GPC6: variants seen among roughly 807,000 people sequenced by gnomAD.
GPC6 encodes the protein glypican 6.
In GPC6, 14 loss-of-function variants were observed where a neutral mutation model predicts 55.2. That is an observed-to-expected ratio of 0.25 (90% CI 0.17 to 0.40). The LOEUF is 0.40. Among genes scored for constraint, GPC6 ranks in the 10% least tolerant of loss-of-function variants. The pLI, the probability that GPC6 is intolerant of heterozygous loss-of-function variation, is 1.00. For missense variants in GPC6, 641 were observed against 708.5 expected, an observed-to-expected ratio of 0.90 and a Z score of 1.08; for synonymous variants, 278 against 259.6, an observed-to-expected ratio of 1.07 and a Z score of -0.68.
intron 2 of GPC6, among the ~76,000 whole-genome samples, chr13:93,789,508 T>TCTCC (rs1323132377): frequency 3.2e-5 from 2 of 61,696 alleles, no homozygotes; most frequent in Non-Finnish European, 7.1e-5. Flanking sequence ...TCTCTCTCTC[T>TCTCC]CTATATATAT....
intron 1 of GPC6, among the ~76,000 whole-genome samples, chr13:93,507,016 C>T (rs1455519924): frequency 4.2e-5 from 5 of 119,870 alleles, no homozygotes; most frequent in African/African-American, 3.2e-5. Context: ...GAGCCGAGAT[C>T]GTGCCACTGC....
At chr13:93,506,614 G>C (rs1049258238) in intron 1 of GPC6, among the ~76,000 whole-genome samples, 1 of 152,034 alleles carries the variant, frequency 6.6e-6, no homozygotes, top group Non-Finnish European at 1.5e-5. Flanking sequence ...GTACCCTAGA[G>C]GTCTTATAAT....
chr13:94,253,303 G>C (rs1891413513), intron 4 of GPC6, among the ~76,000 whole-genome samples: 1 of 152,064 alleles, frequency 6.6e-6, no homozygotes, highest in Non-Finnish European at 1.5e-5. Flanking sequence ...ATGATTGTAA[G>C]TGACTATCTT....
intron 1 of GPC6, among the ~76,000 whole-genome samples, chr13:93,313,713 T>C (rs1182245614): frequency 6.6e-6 from 1 of 152,054 alleles, no homozygotes; most frequent in Non-Finnish European, 1.5e-5. Flanking sequence ...TGGAGTACAG[T>C]GGCTATTCAC....
At chr13:93,815,726 CA>C (rs1487076252) in intron 2 of GPC6, among the ~76,000 whole-genome samples, 2 of 152,140 alleles carry the variant, frequency 1.3e-5, no homozygotes, top group Non-Finnish European at 2.9e-5. Flanking sequence ...AGTTCTTACA[CA>C]ATAATACTTT....
chr13:93,231,394 T>C (rs1269288595), intron 1 of GPC6, among the ~76,000 whole-genome samples: 5 of 21,314 alleles, frequency 2.3e-4, no homozygotes, highest in East Asian at 1.4e-3. Flanking sequence ...TATATATATA[T>C]ATGTATATAT....
intron 1 of GPC6, among the ~76,000 whole-genome samples, chr13:93,379,108 A>C (rs1875048093): frequency 6.6e-6 from 1 of 152,140 alleles, no homozygotes; most frequent in Admixed American, 6.6e-5. Flanking sequence ...AGCCTCTACA[A>C]ATTTCCGTAA....
chr13:93,316,236 G>A (rs1477684814), intron 1 of GPC6, among the ~76,000 whole-genome samples: 1 of 151,916 alleles, frequency 6.6e-6, no homozygotes, highest in Non-Finnish European at 1.5e-5. Context: ...TTTTATTCAT[G>A]CCCTAGACTA....
intron 6 of GPC6, among the ~76,000 whole-genome samples, chr13:94,348,576 T>C (rs151025865): frequency 5.9e-5 from 9 of 152,184 alleles, no homozygotes; most frequent in African/African-American, 1.7e-4. Context: ...CAACCTGGAA[T>C]TTCTTCCCTT....
chr13:93,244,858 A>G (rs1876547257), intron 1 of GPC6, among the ~76,000 whole-genome samples: 1 of 152,124 alleles, frequency 6.6e-6, no homozygotes, highest in South Asian at 2.1e-4. Context: ...CACAGCGTGA[A>G]TCTCTACATA....
At chr13:93,614,703 T>C (rs1349826780) in intron 2 of GPC6, among the ~76,000 whole-genome samples, 3 of 152,190 alleles carry the variant, frequency 2.0e-5, no homozygotes, top group Admixed American at 6.5e-5. Context: ...TTATCTTTTA[T>C]TTATTTACCC....
intron 3 of GPC6, among the ~76,000 whole-genome samples, chr13:93,956,049 C>T (rs1038602118): frequency 6.6e-6 from 1 of 152,106 alleles, no homozygotes. Flanking sequence ...CTGTCTCATC[C>T]TGGATGGTTG....
chr13:94,362,587 T>G (rs1594206578), intron 6 of GPC6, among the ~76,000 whole-genome samples: 1 of 152,052 alleles, frequency 6.6e-6, no homozygotes, highest in East Asian at 1.9e-4. Flanking sequence ...TGCCATCTGG[T>G]GGTTATAATG....
chr13:93,764,000 T>G (rs151280710), intron 2 of GPC6, among the ~76,000 whole-genome samples: 1 of 152,144 alleles, frequency 6.6e-6, no homozygotes, highest in South Asian at 2.1e-4. Context: ...TTTGCACTTA[T>G]ATCACAGATC....
intron 4 of GPC6, among the ~76,000 whole-genome samples, chr13:94,258,274 G>A (rs990445919): frequency 6.6e-6 from 1 of 152,146 alleles, no homozygotes; most frequent in Non-Finnish European, 1.5e-5. Flanking sequence ...ACAACTCCCC[G>A]GGGCCGACAA....
chr13:94,251,080 G>T (rs541018539), intron 4 of GPC6, among the ~76,000 whole-genome samples: 32 of 152,132 alleles, frequency 2.1e-4, no homozygotes, highest in African/African-American at 7.0e-4. Flanking sequence ...ATGATACACT[G>T]GATAAAGAAA....
chr13:94,162,955 C>T (rs1888220389), intron 4 of GPC6, among the ~76,000 whole-genome samples: 1 of 152,058 alleles, frequency 6.6e-6, no homozygotes, highest in South Asian at 2.1e-4. Flanking sequence ...CAAGAAATAG[C>T]CTCTTTCACC....
intron 2 of GPC6, among the ~76,000 whole-genome samples, chr13:93,818,220 T>C (rs2026161): frequency 1.8e-3 from 278 of 151,786 alleles, no homozygotes; most frequent in African/African-American, 6.4e-3. Context: ...ACTCTCATAA[T>C]GTTCTACTTA....
chr13:93,789,801 G>A (rs1458242819), intron 2 of GPC6, among the ~76,000 whole-genome samples: 1 of 150,754 alleles, frequency 6.6e-6, no homozygotes, highest in Non-Finnish European at 1.5e-5. Context: ...TGCTAGTTCA[G>A]GGGCAGTCAG....
Sources: gnomAD v4.1 joint callset for allele counts (sites outside exome capture counted in the v4.1 genomes callset) on GRCh38, gnomAD v4.1.1 for gene constraint, MANE v1.5 for transcripts, NCBI Gene and HGNC (gene_info 2026-07-23, HGNC 2026-07-21) for gene names.